Variants in CCDC127 observed in about 807,000 individuals in gnomAD.
CCDC127 encodes coiled-coil domain-containing protein 127.
CCDC127 carries 2 observed loss-of-function variants against 4.1 expected under a neutral mutation model. The ratio of observed to expected loss-of-function variants is 0.49; its 90% CI spans 0.20 to 1.53. CCDC127 has a LOEUF of 1.53. CCDC127 is among the 40% of genes most tolerant of loss of function. CCDC127 has a pLI of 0.23. For synonymous variants in CCDC127, 98 were observed against 120.4 expected, an observed-to-expected ratio of 0.81 and a Z score of 1.22; for missense variants, 271 against 322.9, an observed-to-expected ratio of 0.84 and a Z score of 1.23.
At position 217,581 on chromosome 5, in the gene CCDC127, A is replaced by G. The variant is rs1203933444; in HGVS notation, c.-11+512T>C. On this transcript the variant is annotated intron_variant, in intron 1 of 2. Coordinates refer to ENST00000296824, the MANE Select transcript of CCDC127 (RefSeq NM_145265.3). ...GTGAGCAGCATTTTGACAGGCAGAGAAAGAAGGAAAGGGTCTTCTGATCAG... is the reference window on the plus strand; with the variant it reads ...GTGAGCAGCATTTTGACAGGCAGAGGAAGAAGGAAAGGGTCTTCTGATCAG... 3.3e-5 allele frequency among the ~76,000 whole-genome samples: 5 copies of G among 152,136 alleles called. No individual in the cohort carries two copies. In the East Asian group the frequency reaches 9.6e-4, roughly 29 times the overall value.
At chr5:209,664 C>CAG (rs1734240576) in intron 2 of CCDC127, among the ~76,000 whole-genome samples, 1 of 149,984 alleles carries the variant, frequency 6.7e-6, no homozygotes, top group African/African-American at 2.5e-5. Flanking sequence ...AGCCTGGCCA[C>CAG]ACACATCATT....
In CCDC127 at chr5:206,636, C is replaced by G. The variant is rs535826045; in HGVS notation, c.122-678G>C. Among the ~76,000 whole-genome samples, 3 of 152,304 alleles carry G rather than the reference C, an allele frequency of 2.0e-5. No homozygotes were observed. In the South Asian group the frequency reaches 6.2e-4, roughly 32 times the overall value. ...GGCACCTGGCTCCGTATAGAGCCAC[C>G]AACCCTTTGTCCATCCCACAAGTAA... On this transcript the variant is annotated intron_variant, in intron 2 of 2. Transcript: ENST00000296824.
chr5:216,968 A>C (rs1314881031), intron 1 of CCDC127, 109 bp from the exon 2 acceptor site: 1 of 582,796 alleles, frequency 1.7e-6, no homozygotes, highest in East Asian at 3.3e-5. Flanking sequence ...TTCAAAGAAG[A>C]AAAAAACTAG....
rs1385141789 is a variant in CCDC127, at chr5:202,988, T to G, written c.*2309A>C. 6.6e-6 allele frequency: 1 copy of G among 152,186 alleles called. No homozygotes were observed. Among genetic ancestry groups the G allele is most frequent in the Non-Finnish European group, 1.5e-5 (1 of 68,052 alleles). The allele number at this position is 152,186 out of a possible 1,614,324, so 9.4% of individuals were successfully genotyped here. ...TGGCCCACACCTGTAATCCCAGTGC[T>G]GTGGGAGGCCGAGGTGGGGGCGGTG... On this transcript the variant is annotated 3_prime_UTR_variant, in exon 3 of 3. Coordinates refer to ENST00000296824, the MANE Select transcript of CCDC127 (RefSeq NM_145265.3).
At chr5:214,585 T>C in intron 2 of CCDC127, 1 of 152,128 alleles carries the variant, frequency 6.6e-6, no homozygotes, top group East Asian at 1.9e-4. Context: ...GGAAGCAGAA[T>C]GACAGAGGAG....
chr5:217,139 AAAAG>A, intron 1 of CCDC127: 1 of 235,478 alleles, frequency 4.2e-6, no homozygotes, highest in Non-Finnish European at 8.2e-6. Flanking sequence ...CCCCCAAAAA[AAAAG>A]AAAAAGAAAA....
chr5:201,899 T>G lies in CCDC127; in HGVS notation c.*3398A>C, dbSNP rs1168968773. ...CTCCCCTCCCCAAGGAAACTGGACC[T>G]GCTTCCGAAACCTAGGATCTCCCAG... is the stretch of plus-strand genomic sequence containing the variant. On this transcript the variant is annotated 3_prime_UTR_variant, in exon 3 of 3. Transcript: ENST00000296824. 6.6e-6 allele frequency: 1 copy of G among 152,208 alleles called. No homozygotes were observed. The highest frequency in any genetic ancestry group is 1.5e-5 in the Non-Finnish European group (1 of 68,058). The allele number at this position is 152,208 out of a possible 1,614,324, so 9.4% of individuals were successfully genotyped here.
At position 197,501 on chromosome 5, in the gene CCDC127, T is replaced by C. The variant is rs550624696; in HGVS notation, c.*7796A>G. 3.9e-5 allele frequency: 6 copies of C among 152,388 alleles called. No individual in the cohort carries two copies. The highest frequency in any genetic ancestry group is 3.9e-4 in the East Asian group (2 of 5,184). The allele number at this position is 152,388 out of a possible 1,614,324, so 9.4% of individuals were successfully genotyped here. A position where few individuals can be genotyped will look rare whatever the true frequency, so the allele number is the denominator to read the frequency against. ...CGCAGTGCATTGTGCCTCTGGTTTA[T>C]TGAGACTAGAGAATAGCGATGACTT... On this transcript the variant is annotated 3_prime_UTR_variant, in exon 3 of 3. Transcript: ENST00000296824.
rs555503939 is a variant in CCDC127, at chr5:207,432, G to A, written c.122-1474C>T. Among the ~76,000 whole-genome samples the A allele has an allele frequency of 3.9e-5, 6 of 152,314 alleles. No homozygotes were observed. The East Asian group carries it at 7.7e-4, about 20-fold the overall frequency. On this transcript the variant is annotated intron_variant, in intron 2 of 2. Transcript: ENST00000296824. ...TGAGGGGTTTGCAAAGGTATGTGAG[G>A]AGAGAGAAGGGAAGGCTCGTCTGGT...
rs1332870264 is a variant in CCDC127 at position 205,749 on chromosome 5, G to A, written c.331C>T (p.Arg111Cys). 5.6e-6 allele frequency: 9 copies of A among 1,613,934 alleles called. No homozygotes were observed. The highest frequency in any genetic ancestry group is 2.2e-5 in the East Asian group (1 of 44,870). Reference protein sequence around the residue: ...SYREALISQGRKLVEEKKLLE... With the variant: ...SYREALISQGCKLVEEKKLLE... ...AGCTTCTTTTCTTCTACCAACTTGCGTCCCTGAGAGATAAGGGCTTCTCGG... is the reference window on the plus strand; with the variant it reads ...AGCTTCTTTTCTTCTACCAACTTGCATCCCTGAGAGATAAGGGCTTCTCGG... Residue 111 changes from arginine (R) to cysteine (C), a missense_variant, in exon 3 of 3, where the codon CGC becomes TGC. This residue lies in a region of CCDC127 where 265 missense variants were observed against 270.9 expected (regional missense o/e 0.98). Transcript: ENST00000296824.
rs1338818469 is a variant in CCDC127, at chr5:199,205, C to T, written c.*6092G>A. Reference sequence around the variant, plus strand: ...TTTAGGGGCTCCAACTCAAGTCCTTCCTGGCTTAATGACTTGTTCCACAGG... The same window carrying T: ...TTTAGGGGCTCCAACTCAAGTCCTTTCTGGCTTAATGACTTGTTCCACAGG... On this transcript the variant is annotated 3_prime_UTR_variant, in exon 3 of 3. Transcript: ENST00000296824. The T allele has an allele frequency of 6.6e-6, 1 of 152,610 alleles. No individual in the cohort carries two copies. The highest frequency in any genetic ancestry group is 1.5e-5 in the Non-Finnish European group (1 of 68,316). 9.5% of individuals were successfully genotyped at this position (152,610 alleles called of 1,614,324 possible). A position where few individuals can be genotyped will look rare whatever the true frequency, so the allele number is the denominator to read the frequency against.
rs1579356197 is a variant in CCDC127 at position 203,305 on chromosome 5, C to T, written c.*1992G>A. The T allele has an allele frequency of 1.3e-5, 2 of 152,098 alleles. No homozygotes were observed. Among genetic ancestry groups the T allele is most frequent in the African/African-American group, 4.8e-5 (2 of 41,404 alleles). 9.4% of individuals were successfully genotyped at this position (152,098 alleles called of 1,614,324 possible). The stretch of plus-strand genomic sequence containing the variant: ...GCGATGGTGGTAGAGCAGAGAGGCA[C>T]GCTAGCAGCCACTGAAGAAGAGAAG... On this transcript the variant is annotated 3_prime_UTR_variant, in exon 3 of 3. Coordinates refer to ENST00000296824, the MANE Select transcript of CCDC127 (RefSeq NM_145265.3).
Position 203,161 on chromosome 5 carries a change from C to A in CCDC127, c.*2136G>T, listed in dbSNP as rs1486530046. 1.3e-5 allele frequency: 2 copies of A among 152,344 alleles called. No homozygotes were observed. The highest frequency in any genetic ancestry group is 2.4e-5 in the African/African-American group (1 of 41,418). 9.4% of individuals were successfully genotyped at this position (152,344 alleles called of 1,614,324 possible). A position where few individuals can be genotyped will look rare whatever the true frequency, so the allele number is the denominator to read the frequency against. ...GCTGAGGCAGGAGAATCGCTTGAAC[C>A]CAGGAGGCGGAGGCTGTAGTGAGCT... On this transcript the variant is annotated 3_prime_UTR_variant, in exon 3 of 3. Transcript: ENST00000296824.
Position 205,990 on chromosome 5 carries a change from A to G in CCDC127, c.122-32T>C, listed in dbSNP as rs758138435. 5.8e-6 allele frequency: 9 copies of G among 1,563,060 alleles called. No individual in the cohort carries two copies. The Admixed American group carries it at 1.7e-4, about 30-fold the overall frequency. On this transcript the variant is annotated intron_variant, in intron 2 of 2. Coordinates refer to ENST00000296824, the MANE Select transcript of CCDC127 (RefSeq NM_145265.3). Reference sequence around the variant, plus strand: ...TGAATGAAGAAAAATACACATAATGAAAAAGTTAGGGCTGAAGTTCTATAA... The same window carrying G: ...TGAATGAAGAAAAATACACATAATGGAAAAGTTAGGGCTGAAGTTCTATAA...
rs867558685 is a variant in CCDC127, at chr5:206,768, G to A, written c.122-810C>T. ...TTCATGCATGTTGGAGCAACTGCAT[G>A]CTAAGTCTTAGTTTTCCAAACAGCG... On this transcript the variant is annotated intron_variant, in intron 2 of 2. Transcript: ENST00000296824. 7.2e-4 allele frequency among the ~76,000 whole-genome samples: 109 copies of A among 152,358 alleles called. 1 individual carries two copies. The highest frequency in any genetic ancestry group is 3.4e-3 in the Middle Eastern group (1 of 294).
At chr5:215,898 G>A (rs1028329763) in intron 2 of CCDC127, 1 of 151,938 alleles carries the variant, frequency 6.6e-6, no homozygotes, top group Non-Finnish European at 1.5e-5. Flanking sequence ...ATTGTGTGGT[G>A]GGGATGTAAG....
chr5:215,395 G>A (rs1051002771), intron 2 of CCDC127: 11 of 152,228 alleles, frequency 7.2e-5, no homozygotes, highest in African/African-American at 2.4e-4. Context: ...AAAAGCTGGA[G>A]ATGAGTCTGA....
chr5:209,911 C>T (rs1442010618), intron 2 of CCDC127, among the ~76,000 whole-genome samples: 1 of 152,138 alleles, frequency 6.6e-6, no homozygotes. Flanking sequence ...AAATTCAACA[C>T]CTATTCATGA....
At chr5:214,104 T>A (rs1165042173) in intron 2 of CCDC127, 1 of 152,242 alleles carries the variant, frequency 6.6e-6, no homozygotes, top group Non-Finnish European at 1.5e-5. Context: ...ATATACTGTT[T>A]GATTCCATTT....
Sources: gnomAD v4.1 joint callset for allele counts (sites outside exome capture counted in the v4.1 genomes callset) on GRCh38, gnomAD v4.1.1 for gene constraint, gnomAD v4.1.1 regional missense constraint, MANE v1.5 for transcripts, NCBI Gene and HGNC (gene_info 2026-07-23, HGNC 2026-07-21) for gene names.